Variants in PPP1R12B observed in about 807,000 individuals in gnomAD.
PPP1R12B encodes myosin phosphatase target subunit 2.
In PPP1R12B, 76 loss-of-function variants were observed where a neutral mutation model predicts 126.1. That is an observed-to-expected ratio of 0.60 (90% CI 0.50 to 0.73). The LOEUF (loss-of-function observed/expected upper bound fraction) is 0.73. Among genes scored for constraint, PPP1R12B ranks in the 30% least tolerant of loss-of-function variants. The pLI, the probability that PPP1R12B is intolerant of heterozygous loss-of-function variation, is 0.00. For synonymous variants in PPP1R12B, 356 were observed against 434.7 expected (o/e 0.82, Z 2.25); for missense variants, 1,052 against 1,205.1 (o/e 0.87, Z 1.88).
chr1:202,494,576 C>T (rs563365526), intron 15 of PPP1R12B, among the ~76,000 whole-genome samples: 1 of 129,608 alleles, frequency 7.7e-6, no homozygotes, highest in Non-Finnish European at 1.7e-5. Flanking sequence ...TCCTAATTCT[C>T]AGGTTTAAAA....
chr1:202,428,003 G>A (rs1034526747), intron 5 of PPP1R12B, among the ~76,000 whole-genome samples: 3 of 150,412 alleles, frequency 2.0e-5, no homozygotes, highest in African/African-American at 7.3e-5. Flanking sequence ...AGAGATGGGG[G>A]GTCTCACTGG....
intron 20 of PPP1R12B, among the ~76,000 whole-genome samples, chr1:202,563,819 G>T (rs1253535017): frequency 6.6e-6 from 1 of 152,174 alleles, no homozygotes; most frequent in African/African-American, 2.4e-5. Flanking sequence ...TGTAATCCCA[G>T]CACGTTGGGA....
intron 18 of PPP1R12B, among the ~76,000 whole-genome samples, chr1:202,544,823 C>T (rs1403450641): frequency 1.3e-5 from 2 of 152,200 alleles, no homozygotes; most frequent in Non-Finnish European, 2.9e-5. Context: ...TATAACCAGT[C>T]CTACAAACTA....
At chr1:202,512,048 T>C (rs1442468881) in intron 18 of PPP1R12B, among the ~76,000 whole-genome samples, 1 of 152,156 alleles carries the variant, frequency 6.6e-6, no homozygotes, top group Admixed American at 6.5e-5. Context: ...ATTGCTTTAG[T>C]GCTGGTATTT....
chr1:202,460,003 A>C (rs1674118331), intron 13 of PPP1R12B, among the ~76,000 whole-genome samples: 1 of 152,220 alleles, frequency 6.6e-6, no homozygotes, highest in Non-Finnish European at 1.5e-5. Context: ...CAGCTGTCAC[A>C]ATAGGGTAGT....
intron 13 of PPP1R12B, among the ~76,000 whole-genome samples, chr1:202,458,635 C>T (rs1183951474): frequency 1.3e-5 from 2 of 152,036 alleles, no homozygotes; most frequent in Non-Finnish European, 2.9e-5. Flanking sequence ...GAATTAAAGC[C>T]ATTTAGTTTC....
Position 202,348,793 on chromosome 1 carries a change from C to T in PPP1R12B, c.-59C>T. Reference sequence around the variant, plus strand: ...TCTGAGAGAGGCGGCAGCGGCAACTCGAGCCCCAACAGTAATTTAGTGTTG... The same window carrying T: ...TCTGAGAGAGGCGGCAGCGGCAACTTGAGCCCCAACAGTAATTTAGTGTTG... On this transcript the variant is annotated 5_prime_UTR_variant, in exon 1 of 24. Coordinates refer to ENST00000608999, the MANE Select transcript of PPP1R12B (RefSeq NM_002481.4). 3 of 1,533,212 alleles carry T rather than the reference C, an allele frequency of 2.0e-6. No homozygotes were observed. Among genetic ancestry groups the T allele is most frequent in the Non-Finnish European group, 2.6e-6 (3 of 1,144,936 alleles). The allele number at this position is 1,533,212 out of a possible 1,614,324, so 95.0% of individuals were successfully genotyped here. A position where few individuals can be genotyped will look rare whatever the true frequency, so the allele number is the denominator to read the frequency against.
chr1:202,458,179 C>T (rs1673885422), intron 13 of PPP1R12B, among the ~76,000 whole-genome samples: 1 of 148,454 alleles, frequency 6.7e-6, no homozygotes, highest in Non-Finnish European at 1.5e-5. Flanking sequence ...TGGAAATTGT[C>T]AAGCTAGAGA....
chr1:202,401,668 C>T (rs1665866668), intron 1 of PPP1R12B, among the ~76,000 whole-genome samples: 1 of 151,956 alleles, frequency 6.6e-6, no homozygotes, highest in Non-Finnish European at 1.5e-5. Context: ...CACATCAACC[C>T]TGAAATAAAA....
intron 14 of PPP1R12B, among the ~76,000 whole-genome samples, chr1:202,491,884 T>G (rs1275384946): frequency 6.6e-6 from 1 of 152,250 alleles, no homozygotes; most frequent in Non-Finnish European, 1.5e-5. Flanking sequence ...AATCTAAGCT[T>G]CTTAGCATAG....
intron 1 of PPP1R12B, among the ~76,000 whole-genome samples, chr1:202,354,589 A>T (rs1335511576): frequency 1.3e-5 from 2 of 151,760 alleles, no homozygotes; most frequent in African/African-American, 4.8e-5. Flanking sequence ...AAGAGCCACC[A>T]TGCCTGGCCT....
intron 18 of PPP1R12B, among the ~76,000 whole-genome samples, chr1:202,531,398 G>A (rs2148939267): frequency 6.6e-6 from 1 of 152,124 alleles, no homozygotes; most frequent in South Asian, 2.1e-4. Context: ...TAACAGTATG[G>A]AGATCTTTTT....
In PPP1R12B at chr1:202,583,444, T is replaced by C. The variant is rs945117335; in HGVS notation, c.*2884T>C. The C allele has an allele frequency of 2.9e-4, 44 of 152,346 alleles. No individual in the cohort carries two copies. The highest frequency in any genetic ancestry group is 9.1e-4 in the African/African-American group (38 of 41,580). 9.4% of individuals were successfully genotyped at this position (152,346 alleles called of 1,614,324 possible). A position where few individuals can be genotyped will look rare whatever the true frequency, so the allele number is the denominator to read the frequency against. On this transcript the variant is annotated 3_prime_UTR_variant, in exon 24 of 24. Transcript: ENST00000608999. The stretch of plus-strand genomic sequence containing the variant: ...GACAAGAAATTTGCAAGCTTTTCAA[T>C]CTCAGGAATACTGGATTCTATAGCC...
chr1:202,577,551 C>T (rs931551693), intron 23 of PPP1R12B, among the ~76,000 whole-genome samples: 10 of 151,556 alleles, frequency 6.6e-5, no homozygotes, highest in Middle Eastern at 3.4e-3. Flanking sequence ...GCAGTGCAGT[C>T]GAGAGATTTT....
chr1:202,464,782 A>G (rs1306134105), intron 13 of PPP1R12B, among the ~76,000 whole-genome samples: 2 of 152,206 alleles, frequency 1.3e-5, no homozygotes, highest in Non-Finnish European at 2.9e-5. Flanking sequence ...TGTGCTCAAT[A>G]TTGTGTTAAA....
rs946966307 is a variant in PPP1R12B at position 202,587,122 on chromosome 1, A to C, written c.*6562A>C. The C allele has an allele frequency of 6.6e-6, 1 of 151,900 alleles. No individual in the cohort carries two copies. Among genetic ancestry groups the C allele is most frequent in the Non-Finnish European group, 1.5e-5 (1 of 67,992 alleles). 9.4% of individuals were successfully genotyped at this position (151,900 alleles called of 1,614,324 possible). A position where few individuals can be genotyped will look rare whatever the true frequency, so the allele number is the denominator to read the frequency against. ...GATATTTTCTGTTATTTCTCCTCCA[A>C]ATTTTTCCCTGATGTTTCCAATAAA... is the stretch of plus-strand genomic sequence containing the variant. On this transcript the variant is annotated 3_prime_UTR_variant, in exon 24 of 24. Transcript: ENST00000608999.
At chr1:202,525,287 G>A (rs1683201471) in intron 18 of PPP1R12B, among the ~76,000 whole-genome samples, 1 of 152,014 alleles carries the variant, frequency 6.6e-6, no homozygotes, top group Non-Finnish European at 1.5e-5. Context: ...GTATTTAGAT[G>A]ATATTTAAAG....
At chr1:202,538,665 C>T (rs1361615822) in intron 18 of PPP1R12B, among the ~76,000 whole-genome samples, 3 of 152,130 alleles carry the variant, frequency 2.0e-5, no homozygotes, top group East Asian at 3.8e-4. Flanking sequence ...GGGATAAACC[C>T]GTTGGCTTAG....
At chr1:202,353,575 ATTC>A (rs1174573605) in intron 1 of PPP1R12B, among the ~76,000 whole-genome samples, 8 of 123,674 alleles carry the variant, frequency 6.5e-5, no homozygotes, top group Non-Finnish European at 1.0e-4. Context: ...TTTCTTCCCT[ATTC>A]TTCTTCTTTG....
Sources: gnomAD v4.1 joint callset for allele counts (sites outside exome capture counted in the v4.1 genomes callset) on GRCh38, gnomAD v4.1.1 for gene constraint, MANE v1.5 for transcripts, NCBI Gene and HGNC (gene_info 2026-07-23, HGNC 2026-07-21) for gene names.